PHRF1: variants seen among roughly 807,000 people sequenced by gnomAD.
PHRF1 encodes PHD and ring finger domains 1, also known as PHD and RING finger domain-containing protein 1.
In PHRF1, 53 loss-of-function variants were observed where a neutral mutation model predicts 128.9. The ratio of observed to expected loss-of-function variants is 0.41; its 90% confidence interval spans 0.33 to 0.52. The LOEUF is 0.52. Among genes scored for constraint, PHRF1 ranks in the 20% least tolerant of loss-of-function variants. The pLI is 0.21. For missense variants in PHRF1, 2,503 were observed against 2,284.5 expected, an observed-to-expected ratio of 1.10 and a Z score of -1.95; for synonymous variants, 1,178 against 980.6, an observed-to-expected ratio of 1.20 and a Z score of -3.76.
rs532015820 is a variant in PHRF1, at chr11:587,584, GGGCCACAGGATTGAGTCT to G, written c.420+124_420+141del. 198 of 1,013,390 alleles carry G rather than the reference GGGCCACAGGATTGAGTCT, an allele frequency of 2.0e-4. No homozygotes were observed. The East Asian group carries it at 4.6e-3, about 24-fold the overall frequency. The allele number at this position is 1,013,390 out of a possible 1,614,324, so 62.8% of individuals were successfully genotyped here. A position where few individuals can be genotyped will look rare whatever the true frequency, so the allele number is the denominator to read the frequency against. On this transcript the variant is annotated intron_variant, in intron 4 of 17. Transcript: ENST00000264555. ...GTTGTCTGCTCTGCGGCTGACCCTG[GGGCCACAGGATTGAGTCT>G]GGCTTGGTCTTTGCTTTGTGAGCAC...
At chr11:596,142 A>G (rs1176348940) in intron 6 of PHRF1, among the ~76,000 whole-genome samples, 1 of 152,170 alleles carries the variant, frequency 6.6e-6, no homozygotes, top group Non-Finnish European at 1.5e-5. Flanking sequence ...TTTTCAGGGA[A>G]ATCATCAGCT....
intron 6 of PHRF1, among the ~76,000 whole-genome samples, chr11:595,523 TG>T (rs1157949888): frequency 1.3e-5 from 2 of 152,230 alleles, no homozygotes; most frequent in Admixed American, 1.3e-4. Flanking sequence ...CCAAGCTCCC[TG>T]TGCAGGTGGA....
At chr11:585,871 T>C (rs1207218479) in intron 3 of PHRF1, among the ~76,000 whole-genome samples, 2 of 151,282 alleles carry the variant, frequency 1.3e-5, no homozygotes, top group African/African-American at 4.9e-5. Context: ...TATTTATTTA[T>C]TTATTTTTGA....
chr11:597,082 C>T lies in PHRF1; in HGVS notation c.718+62C>T. 1 of 1,533,176 alleles carries T rather than the reference C, an allele frequency of 6.5e-7. No homozygotes were observed. Among genetic ancestry groups the T allele is most frequent in the East Asian group, 2.3e-5 (1 of 42,610 alleles). 95.0% of individuals were successfully genotyped at this position (1,533,176 alleles called of 1,614,324 possible). A position where few individuals can be genotyped will look rare whatever the true frequency, so the allele number is the denominator to read the frequency against. On this transcript the variant is annotated intron_variant, in intron 7 of 17. Transcript: ENST00000264555. The surrounding 1 kb of genome is among the most constrained non-coding windows in gnomAD (Gnocchi z 6.5). ...CCTTCTCACTGTCCACTCTGCGGTC[C>T]CCGGGGTTAGGTTTGGCTGCTGTGT... is the stretch of plus-strand genomic sequence containing the variant.
At position 609,696 on chromosome 11, in the gene PHRF1, G is replaced by A. The variant is rs1365830435; in HGVS notation, c.4240G>A (p.Ala1414Thr). Residue 1414 changes from alanine to threonine, a missense_variant, in exon 14 of 18, where the codon GCC (alanine) becomes ACC (threonine). Coordinates refer to ENST00000264555, the MANE Select transcript of PHRF1 (RefSeq NM_001286581.2). ...TWNLQESESS[A>T]PAEDRAPRAP... ...GAACCTGCAGGAGTCGGAGAGCAGCGCCCCCGCCGAGGACAGAGCCCCCCG... is the reference window on the plus strand; with the variant it reads ...GAACCTGCAGGAGTCGGAGAGCAGCACCCCCGCCGAGGACAGAGCCCCCCG... 1.5e-5 allele frequency: 22 copies of A among 1,503,650 alleles called. No homozygotes were observed. Among genetic ancestry groups the A allele is most frequent in the African/African-American group, 1.2e-4 (9 of 72,246 alleles). The allele number at this position is 1,503,650 out of a possible 1,614,324, so 93.1% of individuals were successfully genotyped here.
intron 10 of PHRF1, among the ~76,000 whole-genome samples, chr11:602,727 A>G (rs1433827644): frequency 6.6e-6 from 1 of 151,974 alleles, no homozygotes; most frequent in Non-Finnish European, 1.5e-5. Context: ...GCCATTGTTC[A>G]AGTGTTTGCT....
rs754884258 is a variant in PHRF1 at position 608,443 on chromosome 11, C to T, written c.2987C>T (p.Thr996Ile). 8.1e-6 allele frequency: 13 copies of T among 1,612,442 alleles called. No individual in the cohort carries two copies. The South Asian group carries it at 1.1e-4, about 14-fold the overall frequency. ...AGGCCCCCTTCCCGGTCCCGCTCCACATCCAGCTCCCGCAGCAGGAAGAAG... is the reference window on the plus strand; with the variant it reads ...AGGCCCCCTTCCCGGTCCCGCTCCATATCCAGCTCCCGCAGCAGGAAGAAG... Reference protein sequence around the residue: ...ELRPPSRSRSTSSSRSRKKAK... With the variant: ...ELRPPSRSRSISSSRSRKKAK... Residue 996 changes from threonine to isoleucine, a missense_variant, in exon 14 of 18, where the codon ACA becomes ATA. Transcript: ENST00000264555.
chr11:578,705 A>G (rs558922889), intron 1 of PHRF1, among the ~76,000 whole-genome samples: 1 of 152,322 alleles, frequency 6.6e-6, no homozygotes, highest in Admixed American at 6.5e-5. Context: ...AGCTGGGACT[A>G]CAGGCGGTTT....
chr11:609,391 C>T lies in PHRF1; in HGVS notation c.3935C>T (p.Ala1312Val). 6.2e-7 allele frequency: 1 copy of T among 1,611,330 alleles called. No individual in the cohort carries two copies. Among genetic ancestry groups the T allele is most frequent in the Non-Finnish European group, 8.5e-7 (1 of 1,179,872 alleles). Reference sequence around the variant, plus strand: ...CCACTGAAGCCTGCGTTGCCCCCAGCCAGCCTGGCCGTGGCCGCCATCCAG... The same window carrying T: ...CCACTGAAGCCTGCGTTGCCCCCAGTCAGCCTGGCCGTGGCCGCCATCCAG... ...DFPLKPALPP[A>V]SLAVAAIQRE... The change falls in exon 14 of 18, where the codon GCC becomes GTC. Residue 1312 changes from alanine to valine, a missense_variant. Coordinates refer to ENST00000264555, the MANE Select transcript of PHRF1 (RefSeq NM_001286581.2).
rs1855902459 is a variant in PHRF1, at chr11:605,755, G to A, written c.1454+31G>A. The A allele has an allele frequency of 3.2e-6, 5 of 1,584,096 alleles. No homozygotes were observed. In the Admixed American group the frequency reaches 5.5e-5, roughly 17 times the overall value. ...TGAGGGCAGAGGCTTCTGGGGAGGT[G>A]GGGGCAGCAGTTGGGCATCGGATGG... On this transcript the variant is annotated intron_variant, in intron 12 of 17. Coordinates refer to ENST00000264555, the MANE Select transcript of PHRF1 (RefSeq NM_001286581.2).
At chr11:589,839 A>AGT (rs1854835497) in intron 4 of PHRF1, among the ~76,000 whole-genome samples, 1 of 49,398 alleles carries the variant, frequency 2.0e-5, no homozygotes, top group Non-Finnish European at 4.5e-5. Flanking sequence ...CCTGAGAGAG[A>AGT]GTCTGCAAAC....
At chr11:606,701 TTGGGGG>T (rs1185785904) in intron 13 of PHRF1, 105 bp downstream of exon 13, 10 of 1,419,636 alleles carry the variant, frequency 7.0e-6, no homozygotes, top group Non-Finnish European at 8.4e-6. Flanking sequence ...GTAGCTGAAG[TTGGGGG>T]GACCATTCCT....
rs1219853105 is a variant in PHRF1 at position 610,966 on chromosome 11, C to A, written c.4690C>A (p.Leu1564Met). ...KTKKEEYMKK[L>M]HMQERAVEEV... Reference sequence around the variant, plus strand: ...ATGTCCCCTCTAGTACATGAAGAAGCTGCACATGCAGGAGCGTGCTGTGGA... The same window carrying A: ...ATGTCCCCTCTAGTACATGAAGAAGATGCACATGCAGGAGCGTGCTGTGGA... The change falls in exon 17 of 18, where the codon CTG (leucine) becomes ATG (methionine). Residue 1564 changes from leucine (L) to methionine (M), a missense_variant. Coordinates refer to ENST00000264555, the MANE Select transcript of PHRF1 (RefSeq NM_001286581.2). The A allele has an allele frequency of 6.2e-7, 1 of 1,613,042 alleles. No individual in the cohort carries two copies.
intron 3 of PHRF1, among the ~76,000 whole-genome samples, chr11:585,313 T>A (rs61877831): frequency 0.017 from 333 of 19,166 alleles, no homozygotes; most frequent in African/African-American, 0.029. Context: ...CCTTTCCAGC[T>A]TGAGGTAGTA....
rs1229709832 is a variant in PHRF1, at chr11:608,113, G to C, written c.2657G>C (p.Ser886Thr). 4 of 1,611,762 alleles carry C rather than the reference G, an allele frequency of 2.5e-6. No homozygotes were observed. In the South Asian group the frequency reaches 3.3e-5, roughly 13 times the overall value. ...TGCGTCACCTCCTACACGGTGGAGA[G>C]CATCTTTGGTACAGAGCCCGAACCC... ...VRCVTSYTVE[S>T]IFGTEPEPPL... The change falls in exon 14 of 18, where the codon AGC becomes ACC. Residue 886 changes from serine (S) to threonine (T), a missense_variant. Transcript: ENST00000264555.
At chr11:584,729 CTTTTTTTTTT>C (rs869125196) in intron 3 of PHRF1, among the ~76,000 whole-genome samples, 1 of 90,310 alleles carries the variant, frequency 1.1e-5, no homozygotes, top group African/African-American at 4.8e-5. Context: ...TCTCCAGGAC[CTTTTTTTTTT>C]TTTTTTTTTT....
intron 4 of PHRF1, among the ~76,000 whole-genome samples, chr11:587,743 C>A (rs972192483): frequency 1.3e-5 from 2 of 152,152 alleles, no homozygotes; most frequent in African/African-American, 2.4e-5. Flanking sequence ...CCCTGGTTGA[C>A]ATAGGGGCCA....
In PHRF1 at chr11:597,108, G is replaced by C. The variant is rs1855326977; in HGVS notation, c.718+88G>C. ...CCGGGGTTAGGTTTGGCTGCTGTGTGGGGAGGACATCTAGGGCTGTCTCAT... is the reference window on the plus strand; with the variant it reads ...CCGGGGTTAGGTTTGGCTGCTGTGTCGGGAGGACATCTAGGGCTGTCTCAT... On this transcript the variant is annotated intron_variant, in intron 7 of 17. Transcript: ENST00000264555. The surrounding 1 kb of genome is among the most constrained non-coding windows in gnomAD (Gnocchi z 6.5). 7.3e-7 allele frequency: 1 copy of C among 1,370,934 alleles called. No individual in the cohort carries two copies. Among genetic ancestry groups the C allele is most frequent in the East Asian group, 2.5e-5 (1 of 40,488 alleles). The allele number at this position is 1,370,934 out of a possible 1,614,324, so 84.9% of individuals were successfully genotyped here.
At chr11:577,744 T>C (rs1016207996) in intron 1 of PHRF1, among the ~76,000 whole-genome samples, 1 of 152,242 alleles carries the variant, frequency 6.6e-6, no homozygotes, top group Non-Finnish European at 1.5e-5. Flanking sequence ...GCAGGCTTGT[T>C]CAGTGCCTGG....
Sources: allele counts gnomAD v4.1 joint callset (sites outside exome capture counted in the v4.1 genomes callset), GRCh38; gene constraint gnomAD v4.1.1; non-coding constraint Gnocchi (gnomAD v3.1); transcripts MANE v1.5; gene names NCBI Gene and HGNC (gene_info 2026-07-23, HGNC 2026-07-21).